OSGIN2: variants seen among roughly 807,000 people sequenced by gnomAD.
OSGIN2 encodes the protein oxidative stress induced growth inhibitor family member 2, also known as oxidative stress-induced growth inhibitor 2.
In OSGIN2, 19 loss-of-function variants were observed where a neutral mutation model predicts 53.8. The observed-to-expected ratio is 0.35, with a 90% CI of 0.25 to 0.52. OSGIN2 has a LOEUF of 0.52. Among genes scored for constraint, OSGIN2 ranks in the 20% least tolerant of loss-of-function variants. The probability of loss-of-function intolerance (pLI) is 0.95; values close to 1 mark genes in which losing one functional copy is unlikely to be tolerated. For missense variants in OSGIN2, 520 were observed against 662.7 expected (o/e 0.78, Z 2.36); for synonymous variants, 236 against 236.0 (o/e 1.00, Z 0.00).
intron 1 of OSGIN2, among the ~76,000 whole-genome samples, chr8:89,906,101 A>G (rs1808833580): frequency 1.3e-5 from 2 of 152,208 alleles, no homozygotes; most frequent in African/African-American, 2.4e-5. Context: ...TCTTTTAAGT[A>G]CAGGGATGCA....
intron 4 of OSGIN2, among the ~76,000 whole-genome samples, chr8:89,915,683 C>G (rs781696481): frequency 6.6e-6 from 1 of 152,160 alleles, no homozygotes. Flanking sequence ...TTATGAATTA[C>G]AGACTTCATG....
intron 1 of OSGIN2, among the ~76,000 whole-genome samples, chr8:89,905,866 A>G (rs1387860918): frequency 6.6e-6 from 1 of 152,252 alleles, no homozygotes; most frequent in African/African-American, 2.4e-5. Context: ...TCAACATACA[A>G]AAGTGAATTG....
At chr8:89,911,549 G>A (rs1309802853) in intron 2 of OSGIN2, among the ~76,000 whole-genome samples, 1 of 151,298 alleles carries the variant, frequency 6.6e-6, no homozygotes, top group Non-Finnish European at 1.5e-5. Context: ...AGGATCGCCT[G>A]AACCCAGGAG....
intron 1 of OSGIN2, 22 bp from the exon 2 acceptor site, chr8:89,909,545 T>G (rs1808922912): frequency 4.5e-6 from 6 of 1,344,570 alleles, no homozygotes; most frequent in Non-Finnish European, 6.0e-6. Flanking sequence ...CTCTTTTTAT[T>G]CCCCCTTTTT....
chr8:89,918,360 G>A (rs1454751983), intron 4 of OSGIN2, among the ~76,000 whole-genome samples: 1 of 152,042 alleles, frequency 6.6e-6, no homozygotes, highest in Non-Finnish European at 1.5e-5. Flanking sequence ...GAGTGCAGTG[G>A]TACAGTCATA....
At chr8:89,923,054 A>C (rs1809242757) in intron 5 of OSGIN2, among the ~76,000 whole-genome samples, 2 of 152,204 alleles carry the variant, frequency 1.3e-5, no homozygotes, top group South Asian at 4.1e-4. Context: ...CTTACCATGA[A>C]TGGAGCTTGG....
rs1809350455 is a variant in OSGIN2 at position 89,927,048 on chromosome 8, C to T, written c.*1516C>T. On this transcript the variant is annotated 3_prime_UTR_variant, in exon 6 of 6. Transcript: ENST00000451899. ...TTTTAGTTTTCTATTGTGATAATAA[C>T]TTTTTTCAAACCAGTTTCACATCTT... 1 of 152,030 alleles carries T rather than the reference C, an allele frequency of 6.6e-6. No homozygotes were observed. The highest frequency in any genetic ancestry group is 2.1e-4 in the South Asian group (1 of 4,822). The allele number at this position is 152,030 out of a possible 1,614,324, so 9.4% of individuals were successfully genotyped here.
rs1438838684 is a variant in OSGIN2 at position 89,925,746 on chromosome 8, C to T, written c.*214C>T. On this transcript the variant is annotated 3_prime_UTR_variant, in exon 6 of 6. Transcript: ENST00000451899. Reference sequence around the variant, plus strand: ...CACTGTCAGACAAATAGAAACACTGCCAACTTGGTGTAACTTAAGCTTTCA... The same window carrying T: ...CACTGTCAGACAAATAGAAACACTGTCAACTTGGTGTAACTTAAGCTTTCA... 1 of 465,574 alleles carries T rather than the reference C, an allele frequency of 2.1e-6. No individual in the cohort carries two copies. Among genetic ancestry groups the T allele is most frequent in the Non-Finnish European group, 3.8e-6 (1 of 262,704 alleles). The allele number at this position is 465,574 out of a possible 1,614,324, so 28.8% of individuals were successfully genotyped here.
At chr8:89,913,722 G>T (rs552932729) in intron 2 of OSGIN2, among the ~76,000 whole-genome samples, 1 of 152,274 alleles carries the variant, frequency 6.6e-6, no homozygotes, top group East Asian at 1.9e-4. Context: ...TCAATGAAGG[G>T]ACTCATGAGC....
chr8:89,905,859 A>G (rs1043915742), intron 1 of OSGIN2, among the ~76,000 whole-genome samples: 27 of 152,266 alleles, frequency 1.8e-4, no homozygotes, highest in Non-Finnish European at 3.5e-4. Context: ...TGCAAAATCA[A>G]CATACAAAAG....
At chr8:89,915,550 TA>T (rs1256330817) in intron 4 of OSGIN2, among the ~76,000 whole-genome samples, 3 of 152,168 alleles carry the variant, frequency 2.0e-5, no homozygotes, top group African/African-American at 7.2e-5. Flanking sequence ...TGCATTTCAT[TA>T]GGGGGCCAGT....
In OSGIN2 at chr8:89,925,428, C is replaced by G. The variant is rs762021016; in HGVS notation, c.1546C>G (p.Arg516Gly). 10 of 1,613,864 alleles carry G rather than the reference C, an allele frequency of 6.2e-6. No homozygotes were observed. Among genetic ancestry groups the G allele is most frequent in the Non-Finnish European group, 7.6e-6 (9 of 1,179,966 alleles). ...TCCTTTGGTTGGAGACAATTTTGTT[C>G]GATTTTTAAAGGGAGGGGCGCTGGG... is the stretch of plus-strand genomic sequence containing the variant. ...LGPLVGDNFV[R>G]FLKGGALGVT... The change falls in exon 6 of 6, where the codon CGA becomes GGA. Residue 516 changes from arginine to glycine, a missense_variant. Around this residue, in one of 3 missense-constraint regions of OSGIN2, gnomAD observed 239 missense variants for 328.3 expected, o/e 0.73. Coordinates refer to ENST00000451899, the MANE Select transcript of OSGIN2 (RefSeq NM_001126111.3).
At position 89,918,828 on chromosome 8, in the gene OSGIN2, A is replaced by G. The variant is rs148176624; in HGVS notation, c.529-2252A>G. ...TCTCTTTCTTCAACTCCCATTTCAA[A>G]TTAATCACCAAATCTTTTTCATTTA... On this transcript the variant is annotated intron_variant, in intron 4 of 5. Transcript: ENST00000451899. Among the ~76,000 whole-genome samples the G allele has an allele frequency of 5.7e-3, 868 of 152,246 alleles. 7 individuals carry two copies. The highest frequency in any genetic ancestry group is 0.02 in the African/African-American group (823 of 41,542).
At chr8:89,923,742 T>C (rs910453970) in intron 5 of OSGIN2, among the ~76,000 whole-genome samples, 1 of 152,220 alleles carries the variant, frequency 6.6e-6, no homozygotes, top group Admixed American at 6.5e-5. Context: ...CAACTTACAA[T>C]TGGTCTATCA....
intron 1 of OSGIN2, among the ~76,000 whole-genome samples, chr8:89,905,610 T>G (rs1808824436): frequency 6.6e-6 from 1 of 152,256 alleles, no homozygotes. Context: ...TTTTGTTTCC[T>G]TGTTTTTCTT....
chr8:89,910,008 A>T (rs1452531164), intron 2 of OSGIN2, among the ~76,000 whole-genome samples: 1 of 152,114 alleles, frequency 6.6e-6, no homozygotes, highest in Non-Finnish European at 1.5e-5. Flanking sequence ...TAATGTGATA[A>T]TATTATTAGA....
At chr8:89,904,405 A>G (rs542620898) in intron 1 of OSGIN2, among the ~76,000 whole-genome samples, 90 of 152,268 alleles carry the variant, frequency 5.9e-4, no homozygotes, top group Middle Eastern at 3.4e-3. Context: ...GAGTGAAAAC[A>G]AAGTATTTGC....
At chr8:89,924,481 A>ATT (rs746327918) in intron 5 of OSGIN2, 22 bp from the exon 6 acceptor site, 1 of 1,538,952 alleles carries the variant, frequency 6.5e-7, no homozygotes, top group Non-Finnish European at 8.8e-7. Flanking sequence ...CTTATAGGAT[A>ATT]TTTTTCCTTT....
At chr8:89,907,470 C>A (rs1808863803) in intron 1 of OSGIN2, among the ~76,000 whole-genome samples, 1 of 152,130 alleles carries the variant, frequency 6.6e-6, no homozygotes. Flanking sequence ...CAGTTTAGAT[C>A]TTCTGCATAT....
Sources: allele counts gnomAD v4.1 joint callset (sites outside exome capture counted in the v4.1 genomes callset), GRCh38; gene constraint gnomAD v4.1.1; regional missense constraint gnomAD v4.1.1; transcripts MANE v1.5; gene names NCBI Gene and HGNC (gene_info 2026-07-23, HGNC 2026-07-21).